Variants in PHF11 observed in about 807,000 individuals in gnomAD.
PHF11 encodes PHD finger protein 11.
In PHF11, 38 loss-of-function variants were observed where a neutral mutation model predicts 40.5. The observed-to-expected ratio is 0.94, with a 90% CI of 0.72 to 1.23. PHF11 has a LOEUF of 1.23. PHF11 is among the 50% of genes most tolerant of loss of function. PHF11 has a pLI of 0.00. For synonymous variants in PHF11, 127 were observed against 138.2 expected (o/e 0.92, Z 0.57); for missense variants, 369 against 392.4 (o/e 0.94, Z 0.50).
intron 1 of PHF11, among the ~76,000 whole-genome samples, chr13:49,498,325 G>A (rs1958847721): frequency 6.6e-6 from 1 of 152,224 alleles, no homozygotes; most frequent in African/African-American, 2.4e-5. Context: ...AGATCATTCT[G>A]ACAGTAACAT....
chr13:49,498,833 C>G (rs1461294317), intron 1 of PHF11, among the ~76,000 whole-genome samples: 1 of 152,212 alleles, frequency 6.6e-6, no homozygotes, highest in East Asian at 1.9e-4. Flanking sequence ...CATGGGCACA[C>G]ACACATATAA....
rs78030182 is a variant in PHF11, at chr13:49,501,848, G to C, written c.95-4787G>C. Among the ~76,000 whole-genome samples the C allele has an allele frequency of 1.2e-3, 179 of 152,182 alleles. 1 individual carries two copies. Among genetic ancestry groups the C allele is most frequent in the African/African-American group, 4.1e-3 (170 of 41,556 alleles). On this transcript the variant is annotated intron_variant, in intron 1 of 9. Coordinates refer to ENST00000378319, the MANE Select transcript of PHF11 (RefSeq NM_001040443.3). ...TGGGATTATAGGTGTCCGCCACCAT[G>C]CCCGGCTAATTTTTGTAATTTTAGT...
At chr13:49,503,510 G>A (rs1566186583) in intron 1 of PHF11, among the ~76,000 whole-genome samples, 2 of 152,300 alleles carry the variant, frequency 1.3e-5, no homozygotes, top group East Asian at 3.9e-4. Context: ...ATTCACTAGA[G>A]GAGCCCCTCA....
At chr13:49,505,651 A>C (rs965145047) in intron 1 of PHF11, among the ~76,000 whole-genome samples, 2 of 152,230 alleles carry the variant, frequency 1.3e-5, no homozygotes, top group Admixed American at 1.3e-4. Context: ...ATAGCAAATA[A>C]CCAGTTCAAA....
rs201478930 is a variant in PHF11 at position 49,514,020 on chromosome 13, A to G, written c.324+854A>G. On this transcript the variant is annotated intron_variant, in intron 3 of 9. Coordinates refer to ENST00000378319, the MANE Select transcript of PHF11 (RefSeq NM_001040443.3). ...AGGTTGCACCCCTCTTTCTGCACCAACTGCTGGGGGTGGCCATAACTAATC... is the reference window on the plus strand; with the variant it reads ...AGGTTGCACCCCTCTTTCTGCACCAGCTGCTGGGGGTGGCCATAACTAATC... Among the ~76,000 whole-genome samples the G allele has an allele frequency of 5.3e-5, 8 of 152,290 alleles. No individual in the cohort carries two copies. In the East Asian group the frequency reaches 1.5e-3, roughly 29 times the overall value.
chr13:49,510,957 C>A (rs1292876453), intron 2 of PHF11, among the ~76,000 whole-genome samples: 1 of 152,138 alleles, frequency 6.6e-6, no homozygotes, highest in Non-Finnish European at 1.5e-5. Context: ...TTTCCATTAC[C>A]CCAAAGGGTT....
intron 1 of PHF11, among the ~76,000 whole-genome samples, chr13:49,505,763 A>T (rs991256382): frequency 6.6e-6 from 1 of 151,144 alleles, no homozygotes; most frequent in South Asian, 2.1e-4. Flanking sequence ...CTTCCCTTAG[A>T]TTTCTTTCCT....
At position 49,507,624 on chromosome 13, in the gene PHF11, C is replaced by T. The variant is rs543688942; in HGVS notation, c.216+868C>T. On this transcript the variant is annotated intron_variant, in intron 2 of 9. Transcript: ENST00000378319. The stretch of plus-strand genomic sequence containing the variant: ...CATTTAATACACCTAACTTACCAAA[C>T]ATCATAGCTTAGTCTAGCTCACCTT... Among the ~76,000 whole-genome samples the T allele has an allele frequency of 3.3e-5, 5 of 152,368 alleles. No homozygotes were observed. The South Asian group carries it at 8.3e-4, about 25-fold the overall frequency.
At chr13:49,515,975 C>A (rs1250481391) in intron 3 of PHF11, among the ~76,000 whole-genome samples, 1 of 152,194 alleles carries the variant, frequency 6.6e-6, no homozygotes, top group Non-Finnish European at 1.5e-5. Context: ...CTGTCTTGTC[C>A]TCGCTGTAGC....
chr13:49,496,188 G>A (rs1958803310), intron 1 of PHF11, 93 bp downstream of exon 1: 4 of 799,526 alleles, frequency 5.0e-6, no homozygotes, highest in Non-Finnish European at 6.8e-6. Context: ...GCCGCATGGG[G>A]GCCCGACCTG....
chr13:49,512,946 C>T (rs1473274091), intron 2 of PHF11, 113 bp from the exon 3 acceptor site: 4 of 619,104 alleles, frequency 6.5e-6, no homozygotes, highest in African/African-American at 5.6e-5. Context: ...ACTGTTTTAC[C>T]CCCAGTCCAT....
intron 8 of PHF11, chr13:49,526,168 CAAAAAAAAAAAAA>C: frequency 1.2e-5 from 4 of 341,252 alleles, no homozygotes; most frequent in South Asian, 9.7e-5. Context: ...GATTCTGTCT[CAAAAAAAAAAAAA>C]AAAAAAAAAG....
chr13:49,521,172 C>A, intron 5 of PHF11: 1 of 1,182,906 alleles, frequency 8.5e-7, no homozygotes, highest in South Asian at 3.5e-5. Flanking sequence ...TGGTATCTTT[C>A]ATTCTCCCTA....
At chr13:49,519,050 T>C (rs1016037544) in intron 4 of PHF11, among the ~76,000 whole-genome samples, 1 of 152,000 alleles carries the variant, frequency 6.6e-6, no homozygotes, top group South Asian at 2.1e-4. Context: ...TTAGCCAGGA[T>C]GGTCTCAATC....
At chr13:49,524,629 T>C (rs1959218184) in intron 8 of PHF11, among the ~76,000 whole-genome samples, 1 of 152,052 alleles carries the variant, frequency 6.6e-6, no homozygotes, top group African/African-American at 2.4e-5. Flanking sequence ...CACACGCCAC[T>C]ACGCCTGGCT....
At chr13:49,504,174 G>A (rs1401851448) in intron 1 of PHF11, among the ~76,000 whole-genome samples, 1 of 152,074 alleles carries the variant, frequency 6.6e-6, no homozygotes, top group African/African-American at 2.4e-5. Context: ...CTCAGGCTGG[G>A]TGCAGTGGCT....
intron 2 of PHF11, among the ~76,000 whole-genome samples, chr13:49,507,006 C>T (rs899935842): frequency 6.6e-6 from 1 of 150,484 alleles, no homozygotes; most frequent in Admixed American, 6.7e-5. Context: ...CGGGTTCACG[C>T]CATTCTCCTG....
chr13:49,499,638 T>C (rs1334974309), intron 1 of PHF11, among the ~76,000 whole-genome samples: 1 of 152,264 alleles, frequency 6.6e-6, no homozygotes, highest in African/African-American at 2.4e-5. Context: ...CTCTAGGTAA[T>C]GTCTACTGTT....
intron 1 of PHF11, among the ~76,000 whole-genome samples, chr13:49,499,709 C>A (rs926108562): frequency 1.3e-5 from 2 of 152,232 alleles, no homozygotes; most frequent in Non-Finnish European, 2.9e-5. Context: ...GGCTTCTACA[C>A]ATCCAGCAAA....
Sources: allele counts gnomAD v4.1 joint callset (sites outside exome capture counted in the v4.1 genomes callset), GRCh38; gene constraint gnomAD v4.1.1; transcripts MANE v1.5; gene names NCBI Gene and HGNC (gene_info 2026-07-23, HGNC 2026-07-21).